The following KLRC3 variants were observed in gnomAD, a reference collection of about 807,000 sequenced individuals.
The protein encoded by KLRC3 is NKG2-E type II integral membrane protein.
A neutral mutation model predicts 23.6 loss-of-function variants in KLRC3; 16 were observed. The ratio of observed to expected loss-of-function variants is 0.68; its 90% confidence interval spans 0.46 to 1.03. KLRC3 has a LOEUF of 1.03. Among genes scored for constraint, KLRC3 ranks in the 50% least tolerant of loss-of-function variants. The pLI is 0.00. For missense variants in KLRC3, 209 were observed against 232.2 expected (o/e 0.90, Z 0.65); for synonymous variants, 70 against 71.8 (o/e 0.98, Z 0.13).
Position 10,419,651 on chromosome 12 carries a change from T to C in KLRC3, c.286+215A>G, listed in dbSNP as rs546028953. 8.4e-5 allele frequency: 46 copies of C among 550,596 alleles called. 1 individual carries two copies. In the African/African-American group the frequency reaches 9.6e-4, roughly 12 times the overall value. The allele number at this position is 550,596 out of a possible 1,614,324, so 34.1% of individuals were successfully genotyped here. A position where few individuals can be genotyped will look rare whatever the true frequency, so the allele number is the denominator to read the frequency against. On this transcript the variant is annotated intron_variant, in intron 2 of 6. Transcript: ENST00000396439. ...AAAGTAATATTTAGATAAACCATAA[T>C]GAGTTTAGTTTCTTACTTTGAAACT... is the stretch of plus-strand genomic sequence containing the variant.
In KLRC3 at chr12:10,416,706, T is replaced by A. The variant is rs781525385; in HGVS notation, c.548A>T (p.His183Leu). The A allele has an allele frequency of 1.2e-6, 2 of 1,611,244 alleles. No individual in the cohort carries two copies. Among genetic ancestry groups the A allele is most frequent in the Non-Finnish European group, 1.7e-6 (2 of 1,178,624 alleles). ...WIGVFRNSSHHPWVTINGLAF... is the reference protein window; with the variant it reads ...WIGVFRNSSHLPWVTINGLAF... ...CAAACCATTTATTGTCACCCATGGATGATGACTGCTGTTACGAAACACACC... is the reference window on the plus strand; with the variant it reads ...CAAACCATTTATTGTCACCCATGGAAGATGACTGCTGTTACGAAACACACC... Residue 183 changes from histidine (H) to leucine (L), a missense_variant, in exon 5 of 7, where the codon CAT (histidine) becomes CTT (leucine). His to Leu is a moderately conservative substitution (Grantham distance 99). Coordinates refer to ENST00000396439, the MANE Select transcript of KLRC3 (RefSeq NM_002261.3).
Position 10,418,400 on chromosome 12 carries a change from C to A in KLRC3, c.430G>T (p.Ala144Ser), listed in dbSNP as rs746517396. 6 of 1,612,146 alleles carry A rather than the reference C, an allele frequency of 3.7e-6. No individual in the cohort carries two copies. The highest frequency in any genetic ancestry group is 4.2e-6 in the Non-Finnish European group (5 of 1,178,360). Residue 144 changes from alanine to serine, a missense_variant, in exon 4 of 7, where the codon GCC becomes TCC. Ala to Ser is a moderately conservative substitution (Grantham distance 99). Around this residue, in one of 4 missense-constraint regions of KLRC3, gnomAD observed 109 missense variants for 113.2 expected, o/e 0.96. Coordinates refer to ENST00000396439, the MANE Select transcript of KLRC3 (RefSeq NM_002261.3). ...CTAGAAGAGTTCTTTGAAGCACAGG[C>A]CTGCAAACTCTCTTCCCAAGTTCTT... is the stretch of plus-strand genomic sequence containing the variant. ...ERRTWEESLQ[A>S]CASKNSSSLL...
chr12:10,412,439 A>G lies in KLRC3; in HGVS notation c.*133T>C. On this transcript the variant is annotated 3_prime_UTR_variant, in exon 7 of 7. Coordinates refer to ENST00000396439, the MANE Select transcript of KLRC3 (RefSeq NM_002261.3). Reference sequence around the variant, plus strand: ...AAAAGTAATTTTTAAAACATCATCTAGTTAAAAATAGGGAGGGCAGAAAAA... The same window carrying G: ...AAAAGTAATTTTTAAAACATCATCTGGTTAAAAATAGGGAGGGCAGAAAAA... 1.5e-6 allele frequency: 1 copy of G among 660,058 alleles called. No homozygotes were observed. Among genetic ancestry groups the G allele is most frequent in the Non-Finnish European group, 2.7e-6 (1 of 370,196 alleles). 40.9% of individuals were successfully genotyped at this position (660,058 alleles called of 1,614,324 possible). A position where few individuals can be genotyped will look rare whatever the true frequency, so the allele number is the denominator to read the frequency against.
intron 5 of KLRC3, 54 bp downstream of exon 5, chr12:10,416,613 C>T: frequency 6.5e-7 from 1 of 1,530,886 alleles, no homozygotes; most frequent in Non-Finnish European, 8.9e-7. Flanking sequence ...TCATATTATT[C>T]TTCTGAATTT....
intron 3 of KLRC3, 105 bp from the exon 4 acceptor site, chr12:10,418,603 A>G: frequency 7.9e-7 from 1 of 1,260,832 alleles, no homozygotes; most frequent in Non-Finnish European, 1.1e-6. Context: ...TAACATATTT[A>G]TGCATCCTTA....
chr12:10,417,861 A>C (rs1222711282), intron 4 of KLRC3, among the ~76,000 whole-genome samples: 1 of 152,232 alleles, frequency 6.6e-6, no homozygotes, highest in African/African-American at 2.4e-5. Flanking sequence ...ACAGACATGA[A>C]ATTCACACTG....
chr12:10,415,889 T>C (rs751320446), intron 5 of KLRC3, 95 bp from the exon 6 acceptor site: 85 of 887,650 alleles, frequency 9.6e-5, no homozygotes, highest in Non-Finnish European at 1.4e-4. Flanking sequence ...AATAATTTTA[T>C]GAAAAAGGGT....
At chr12:10,412,697 G>T in intron 6 of KLRC3, 81 bp from the exon 7 acceptor site, 2 of 672,756 alleles carry the variant, frequency 3.0e-6, no homozygotes, top group Middle Eastern at 3.7e-4. Flanking sequence ...TGGGAGGATC[G>T]CTTGAGCCTT....
At chr12:10,414,615 T>TG (rs1402701895) in intron 6 of KLRC3, among the ~76,000 whole-genome samples, 1 of 36,552 alleles carries the variant, frequency 2.7e-5, no homozygotes, top group African/African-American at 1.0e-4. Flanking sequence ...TGTTGTGGGG[T>TG]GGGGGGAGGG....
At chr12:10,414,440 A>G in intron 6 of KLRC3, among the ~76,000 whole-genome samples, 1 of 152,098 alleles carries the variant, frequency 6.6e-6, no homozygotes, top group East Asian at 1.9e-4. Flanking sequence ...AAAATGATAC[A>G]TATGATACAT....
chr12:10,415,657 T>C, intron 6 of KLRC3, 47 bp downstream of exon 6: 1 of 1,611,170 alleles, frequency 6.2e-7, no homozygotes, highest in Non-Finnish European at 8.5e-7. Flanking sequence ...AAATTTTATC[T>C]GATGCACTGC....
At chr12:10,416,156 T>A (rs1433194825) in intron 5 of KLRC3, among the ~76,000 whole-genome samples, 1 of 152,200 alleles carries the variant, frequency 6.6e-6, no homozygotes, top group East Asian at 1.9e-4. Context: ...GCACTACTAT[T>A]GTGCTTTGAG....
chr12:10,420,057 G>C (rs1863699592), intron 1 of KLRC3, 93 bp from the exon 2 acceptor site: 1 of 362,326 alleles, frequency 2.8e-6, no homozygotes, highest in Non-Finnish European at 5.1e-6. Context: ...GAACCCACAT[G>C]CACAGGGAAA....
At position 10,412,494 on chromosome 12, in the gene KLRC3, A is replaced by C. The variant is rs1453642039; in HGVS notation, c.*78T>G. ...ATTTTTAAAACACAAGCTAAATGGT[A>C]CATGAGCACTCAGGGGCGGTGGCTT... On this transcript the variant is annotated 3_prime_UTR_variant, in exon 7 of 7. Coordinates refer to ENST00000396439, the MANE Select transcript of KLRC3 (RefSeq NM_002261.3). The C allele has an allele frequency of 1.9e-5, 13 of 700,504 alleles. No individual in the cohort carries two copies. Among genetic ancestry groups the C allele is most frequent in the Non-Finnish European group, 2.9e-5 (11 of 384,282 alleles). 43.4% of individuals were successfully genotyped at this position (700,504 alleles called of 1,614,324 possible). A position where few individuals can be genotyped will look rare whatever the true frequency, so the allele number is the denominator to read the frequency against.
At chr12:10,419,474 T>C (rs1863691123) in intron 2 of KLRC3, 4 of 524,582 alleles carry the variant, frequency 7.6e-6, no homozygotes, top group Non-Finnish European at 1.3e-5. Flanking sequence ...ATTTATGTTG[T>C]GAAAAATTCA....
intron 6 of KLRC3, among the ~76,000 whole-genome samples, chr12:10,414,622 AG>A (rs1184323864): frequency 2.0e-5 from 1 of 50,790 alleles, no homozygotes; most frequent in Non-Finnish European, 3.8e-5. Flanking sequence ...GGGTGGGGGG[AG>A]GGGGGAGGGA....
At chr12:10,413,188 C>T (rs939571402) in intron 6 of KLRC3, among the ~76,000 whole-genome samples, 8 of 152,134 alleles carry the variant, frequency 5.3e-5, no homozygotes, top group African/African-American at 1.9e-4. Flanking sequence ...AGAAAATGTT[C>T]TAACTATATT....
chr12:10,415,221 T>C (rs1863623549), intron 6 of KLRC3, among the ~76,000 whole-genome samples: 1 of 152,194 alleles, frequency 6.6e-6, no homozygotes. Flanking sequence ...TTTCATCCAC[T>C]TAAAATGATT....
intron 4 of KLRC3, among the ~76,000 whole-genome samples, chr12:10,417,511 C>G (rs1309292914): frequency 6.6e-6 from 1 of 152,124 alleles, no homozygotes; most frequent in Non-Finnish European, 1.5e-5. Flanking sequence ...AAGGAGAGTC[C>G]CCTCCACAAT....
Sources: allele counts gnomAD v4.1 joint callset (sites outside exome capture counted in the v4.1 genomes callset), GRCh38; gene constraint gnomAD v4.1.1; regional missense constraint gnomAD v4.1.1; transcripts MANE v1.5; gene names NCBI Gene and HGNC (gene_info 2026-07-23, HGNC 2026-07-21).